The following CADPS variants were observed in gnomAD, a reference collection of about 807,000 sequenced individuals.
CADPS encodes calcium-dependent secretion activator 1.
CADPS carries 57 observed loss-of-function variants against 167.3 expected under a neutral mutation model. That is an observed-to-expected ratio of 0.34 (90% CI 0.28 to 0.42). The LOEUF is 0.42. CADPS is among the 20% of genes least tolerant of loss of function. The probability of loss-of-function intolerance (pLI) is 1.00; values close to 1 mark genes in which losing one functional copy is unlikely to be tolerated. For synonymous variants in CADPS, 676 were observed against 635.3 expected, an observed-to-expected ratio of 1.06 and a Z score of -0.96; for missense variants, 1,414 against 1,738.1, an observed-to-expected ratio of 0.81 and a Z score of 3.32.
At chr3:62,537,149 T>C (rs1183014561) in intron 11 of CADPS, among the ~76,000 whole-genome samples, 1 of 152,190 alleles carries the variant, frequency 6.6e-6, no homozygotes, top group Non-Finnish European at 1.5e-5. Context: ...AAAACGATTT[T>C]CATTGAAACC....
chr3:62,694,791 G>C (rs2079962216), intron 3 of CADPS, among the ~76,000 whole-genome samples: 1 of 152,032 alleles, frequency 6.6e-6, no homozygotes, highest in African/African-American at 2.4e-5. Flanking sequence ...CCAACTTAAA[G>C]GTAGAATGGT....
Position 62,420,583 on chromosome 3 carries a change from A to T in CADPS, c.3778-17398T>A, listed in dbSNP as rs1347350061. Among the ~76,000 whole-genome samples, 4 of 152,140 alleles carry T rather than the reference A, an allele frequency of 2.6e-5. No homozygotes were observed. The highest frequency in any genetic ancestry group is 5.9e-5 in the Non-Finnish European group (4 of 68,006). On this transcript the variant is annotated intron_variant, in intron 28 of 29. Transcript: ENST00000383710. The surrounding 1 kb of genome is among the most constrained non-coding windows in gnomAD (Gnocchi z 4.1). ...ACAGGTGGATGGAGAGGGCATCTTG[A>T]TCTCCTAGGAGGGAATATTTGGGTG...
chr3:62,482,949 G>A (rs965610460), intron 21 of CADPS, among the ~76,000 whole-genome samples: 2 of 152,262 alleles, frequency 1.3e-5, no homozygotes, highest in African/African-American at 4.8e-5. Context: ...TAAGTAGAGG[G>A]AGAAAATAAA....
At chr3:62,571,915 T>C (rs1398011354) in intron 8 of CADPS, among the ~76,000 whole-genome samples, 3 of 152,170 alleles carry the variant, frequency 2.0e-5, no homozygotes, top group African/African-American at 4.8e-5. Context: ...GCATTGTGGA[T>C]TGTTACATAT....
chr3:62,713,359 C>T (rs1388629105), intron 3 of CADPS, among the ~76,000 whole-genome samples: 1 of 152,094 alleles, frequency 6.6e-6, no homozygotes, highest in East Asian at 1.9e-4. Context: ...CTGGCTGAAA[C>T]AAGGAAGAGA....
intron 6 of CADPS, among the ~76,000 whole-genome samples, chr3:62,611,591 T>C (rs1412471372): frequency 1.3e-5 from 2 of 152,226 alleles, no homozygotes; most frequent in East Asian, 1.9e-4. Flanking sequence ...ACAAGGCCTT[T>C]GATGAGTTGA....
In CADPS at chr3:62,737,966, T is replaced by TC. The variant is rs111747584; in HGVS notation, c.888+15474dup. 3.8e-3 allele frequency among the ~76,000 whole-genome samples: 578 copies of TC among 152,302 alleles called. 8 individuals are homozygous for TC. The highest frequency in any genetic ancestry group is 0.013 in the African/African-American group (552 of 41,564). On this transcript the variant is annotated intron_variant, in intron 3 of 29. Coordinates refer to ENST00000383710, the MANE Select transcript of CADPS (RefSeq NM_003716.4). ...TATATGACATAATATACTTTTTTTT[T>TC]CTTGTTTTGCCCATTAAACATCAGT...
intron 3 of CADPS, among the ~76,000 whole-genome samples, chr3:62,702,897 C>A (rs931439695): frequency 6.6e-6 from 1 of 152,078 alleles, no homozygotes; most frequent in Admixed American, 6.6e-5. Flanking sequence ...TCACAATGAT[C>A]CCATGCAGTT....
intron 1 of CADPS, among the ~76,000 whole-genome samples, chr3:62,824,680 C>T (rs1013337772): frequency 2.6e-5 from 4 of 152,064 alleles, no homozygotes; most frequent in African/African-American, 9.7e-5. Flanking sequence ...AAGCATATCA[C>T]CACTTTTTAA....
At chr3:62,557,316 T>A in intron 10 of CADPS, 89 bp downstream of exon 10, 1 of 859,650 alleles carries the variant, frequency 1.2e-6, no homozygotes, top group East Asian at 2.4e-5. Context: ...GTGCCTAGCA[T>A]GGAGTAAGTG....
At chr3:62,568,225 T>C (rs527246269) in intron 9 of CADPS, among the ~76,000 whole-genome samples, 4 of 152,286 alleles carry the variant, frequency 2.6e-5, no homozygotes, top group Admixed American at 6.5e-5. Flanking sequence ...GTCCACTTGA[T>C]TGGATTGAAG....
chr3:62,659,364 A>T (rs1345658302), intron 4 of CADPS, among the ~76,000 whole-genome samples: 2 of 152,164 alleles, frequency 1.3e-5, no homozygotes, highest in Non-Finnish European at 2.9e-5. Flanking sequence ...ATATTTCACA[A>T]TTTTCATCAG....
chr3:62,483,975 G>T (rs2062416209), intron 21 of CADPS, among the ~76,000 whole-genome samples: 1 of 152,166 alleles, frequency 6.6e-6, no homozygotes, highest in African/African-American at 2.4e-5. Context: ...ACAAATGTAT[G>T]CAAAAGCAAT....
intron 6 of CADPS, among the ~76,000 whole-genome samples, chr3:62,619,352 A>G (rs2062816786): frequency 6.6e-6 from 1 of 152,172 alleles, no homozygotes; most frequent in Non-Finnish European, 1.5e-5. Context: ...GAAATCCCAC[A>G]CAACAAGCAC....
chr3:62,603,399 T>C (rs1399192995), intron 6 of CADPS, among the ~76,000 whole-genome samples: 1 of 152,246 alleles, frequency 6.6e-6, no homozygotes, highest in African/African-American at 2.4e-5. Flanking sequence ...ATCTTACTTA[T>C]TGTTATATTC....
At chr3:62,829,558 G>A (rs1007952882) in intron 1 of CADPS, among the ~76,000 whole-genome samples, 3 of 152,028 alleles carry the variant, frequency 2.0e-5, no homozygotes, top group Non-Finnish European at 2.9e-5. Context: ...AAAGCTCAAC[G>A]CACAGCATTT....
rs1307931895 is a variant in CADPS, at chr3:62,874,601, G to A, written c.429C>T (p.Arg143=). 3.9e-6 allele frequency: 6 copies of A among 1,553,204 alleles called. No individual in the cohort carries two copies. Among genetic ancestry groups the A allele is most frequent in the Non-Finnish European group, 1.7e-6 (2 of 1,147,984 alleles). Residue 143 remains arginine, a synonymous_variant, in exon 1 of 30, where the codon CGC becomes CGT. Transcript: ENST00000383710. The surrounding 1 kb of genome is among the most constrained non-coding windows in gnomAD (Gnocchi z 7.1). ...CAGGCGCACCTACCTTCTGCTGCCG[G>A]CGAGCCATGTCGGTGGGCTGCTTGG... ...FNAKQPTDMA[R]RQQKISKQQL... is the part of the protein sequence containing the mutation.
chr3:62,515,964 C>G (rs1366347572), intron 16 of CADPS, 95 bp downstream of exon 16: 3 of 1,466,084 alleles, frequency 2.0e-6, no homozygotes, highest in Non-Finnish European at 2.8e-6. Flanking sequence ...TCAGACGGAC[C>G]ACTGTTTTCA....
chr3:62,850,628 G>C (rs1198391011), intron 1 of CADPS, among the ~76,000 whole-genome samples: 3 of 148,492 alleles, frequency 2.0e-5, no homozygotes, highest in Admixed American at 6.7e-5. Flanking sequence ...ATTGCACTGT[G>C]GTCTGAGAGA....
Sources: gnomAD v4.1 joint callset for allele counts (sites outside exome capture counted in the v4.1 genomes callset) on GRCh38, gnomAD v4.1.1 for gene constraint, Gnocchi (gnomAD v3.1) non-coding constraint, MANE v1.5 for transcripts, NCBI Gene and HGNC (gene_info 2026-07-23, HGNC 2026-07-21) for gene names.